PAPPA2: variants seen among roughly 807,000 people sequenced by gnomAD.
PAPPA2 encodes pappalysin 2.
PAPPA2 carries 86 observed loss-of-function variants against 176.4 expected under a neutral mutation model. That is an observed-to-expected ratio of 0.49 (90% CI 0.41 to 0.58). The LOEUF (loss-of-function observed/expected upper bound fraction) is 0.58. PAPPA2 is among the 20% of genes least tolerant of loss of function. The pLI is 0.00. For missense variants in PAPPA2, 2,073 were observed against 2,256.9 expected (o/e 0.92, Z 1.65); for synonymous variants, 809 against 852.2 (o/e 0.95, Z 0.88).
chr1:176,721,399 A>G (rs188543034), intron 12 of PAPPA2, among the ~76,000 whole-genome samples: 3 of 152,256 alleles, frequency 2.0e-5, no homozygotes, highest in East Asian at 1.9e-4. Context: ...CTACATTTCT[A>G]TGCTTCCACT....
chr1:176,777,145 A>G (rs755047069), intron 17 of PAPPA2, among the ~76,000 whole-genome samples: 3 of 152,162 alleles, frequency 2.0e-5, no homozygotes, highest in Non-Finnish European at 4.4e-5. Context: ...TTTATTTTCT[A>G]TCTCAACAGA....
chr1:176,510,939 G>GA (rs1268748536), intron 1 of PAPPA2, among the ~76,000 whole-genome samples: 1 of 150,168 alleles, frequency 6.7e-6, no homozygotes, highest in East Asian at 2.0e-4. Context: ...AAAGAAGGCA[G>GA]AAAAAAGGAA....
At chr1:176,692,787 T>A (rs1660177752) in intron 6 of PAPPA2, among the ~76,000 whole-genome samples, 2 of 152,158 alleles carry the variant, frequency 1.3e-5, no homozygotes, top group South Asian at 4.1e-4. Context: ...CTTACGTAGG[T>A]GCTTCTGACA....
chr1:176,509,978 G>A (rs113316560), intron 1 of PAPPA2, among the ~76,000 whole-genome samples: 6,073 of 152,212 alleles, frequency 0.04, 324 homozygotes, highest in African/African-American at 0.13. Flanking sequence ...AGACTGCCAT[G>A]AGTTGTGATC....
chr1:176,789,991 T>G lies in PAPPA2; in HGVS notation c.4884+14T>G. The G allele has an allele frequency of 1.9e-6, 3 of 1,611,836 alleles. No individual in the cohort carries two copies. The highest frequency in any genetic ancestry group is 2.5e-6 in the Non-Finnish European group (3 of 1,178,368). ...GAACGTGAAAAGGTAAGGAACATTTTTTGAACTTATTTTCATCAGGCTGTG... is the reference window on the plus strand; with the variant it reads ...GAACGTGAAAAGGTAAGGAACATTTGTTGAACTTATTTTCATCAGGCTGTG... On this transcript the variant is annotated intron_variant, in intron 18 of 22. Transcript: ENST00000367662.
intron 2 of PAPPA2, among the ~76,000 whole-genome samples, chr1:176,578,886 C>T (rs1054386318): frequency 6.6e-6 from 1 of 152,160 alleles, no homozygotes; most frequent in Non-Finnish European, 1.5e-5. Context: ...TGAGATGGCG[C>T]CTTTCCCCTT....
chr1:176,671,496 G>A lies in PAPPA2; in HGVS notation c.2137+381G>A, dbSNP rs116202251. On this transcript the variant is annotated intron_variant, in intron 4 of 22. Transcript: ENST00000367662. ...ATGATCACTGTTCTAGAAGACTGAT[G>A]GGCTTCTTGTATGGTGTGGACTCCT... Among the ~76,000 whole-genome samples, 942 of 152,260 alleles carry A rather than the reference G, an allele frequency of 6.2e-3. 14 individuals are homozygous for A. The highest frequency in any genetic ancestry group is 0.021 in the African/African-American group (867 of 41,554).
intron 4 of PAPPA2, among the ~76,000 whole-genome samples, chr1:176,672,185 A>G (rs1300141722): frequency 1.3e-5 from 2 of 152,122 alleles, no homozygotes; most frequent in African/African-American, 4.8e-5. Flanking sequence ...TTTTATAAAC[A>G]TATGGATAAA....
chr1:176,785,744 C>A (rs1221194367), intron 17 of PAPPA2, among the ~76,000 whole-genome samples: 1 of 152,128 alleles, frequency 6.6e-6, no homozygotes, highest in African/African-American at 2.4e-5. Flanking sequence ...TTCTTCTTCC[C>A]CATCCAAGTT....
intron 3 of PAPPA2, among the ~76,000 whole-genome samples, chr1:176,665,528 A>G (rs1010286751): frequency 2.6e-5 from 4 of 152,160 alleles, no homozygotes; most frequent in African/African-American, 9.7e-5. Flanking sequence ...TATCCTCATC[A>G]GTACTTTGTT....
chr1:176,744,974 T>C (rs1662841860), intron 14 of PAPPA2, among the ~76,000 whole-genome samples: 1 of 152,226 alleles, frequency 6.6e-6, no homozygotes, highest in Non-Finnish European at 1.5e-5. Context: ...ATAATACATG[T>C]GAGATTTGTA....
intron 12 of PAPPA2, among the ~76,000 whole-genome samples, chr1:176,720,160 C>T (rs1294021376): frequency 6.6e-6 from 1 of 152,144 alleles, no homozygotes; most frequent in Non-Finnish European, 1.5e-5. Context: ...AAACTGGAAA[C>T]TGTCAGTATA....
chr1:176,599,647 C>G (rs1171551374), intron 3 of PAPPA2, among the ~76,000 whole-genome samples: 1 of 151,458 alleles, frequency 6.6e-6, no homozygotes, highest in East Asian at 1.9e-4. Context: ...TTAAGATAAG[C>G]ATTTTCAAAG....
chr1:176,724,940 G>C (rs1262130560), intron 12 of PAPPA2, among the ~76,000 whole-genome samples: 1 of 152,026 alleles, frequency 6.6e-6, no homozygotes, highest in Non-Finnish European at 1.5e-5. Context: ...GCTACAGATA[G>C]GATTAAAATT....
intron 2 of PAPPA2, among the ~76,000 whole-genome samples, chr1:176,578,165 G>A (rs1652761588): frequency 6.6e-6 from 1 of 152,186 alleles, no homozygotes; most frequent in Non-Finnish European, 1.5e-5. Context: ...TCCTCTGTGA[G>A]ACTCTGCCAT....
At chr1:176,770,915 C>G in intron 16 of PAPPA2, 52 bp from the exon 17 acceptor site, 1 of 1,543,622 alleles carries the variant, frequency 6.5e-7, no homozygotes. Flanking sequence ...CTATGATTAT[C>G]TTTCTGGGCT....
chr1:176,808,117 C>T (rs1035053787), intron 21 of PAPPA2, among the ~76,000 whole-genome samples: 2 of 151,602 alleles, frequency 1.3e-5, no homozygotes, highest in African/African-American at 4.9e-5. Context: ...AAGTAGTTCA[C>T]ATTGGCAATG....
At chr1:176,559,231 C>A (rs1046885232) in intron 2 of PAPPA2, among the ~76,000 whole-genome samples, 2 of 152,206 alleles carry the variant, frequency 1.3e-5, no homozygotes, top group South Asian at 2.1e-4. Context: ...TGCAGACTGT[C>A]TAGCTTCTGA....
intron 1 of PAPPA2, among the ~76,000 whole-genome samples, chr1:176,481,859 T>C (rs6673944): frequency 0.37 from 56,825 of 151,720 alleles, 12,811 homozygotes; most frequent in African/African-American, 0.62. Context: ...TGTGCACCAC[T>C]ATGCCTGGCT....
Sources: allele counts gnomAD v4.1 joint callset (sites outside exome capture counted in the v4.1 genomes callset), GRCh38; gene constraint gnomAD v4.1.1; transcripts MANE v1.5; gene names NCBI Gene and HGNC (gene_info 2026-07-23, HGNC 2026-07-21).